Variants in CROCC observed in about 807,000 individuals in gnomAD.
The protein encoded by CROCC is ciliary rootlet coiled-coil, rootletin.
Under a neutral mutation model 245.2 loss-of-function variants are expected in CROCC, and 180 were observed. That is an observed-to-expected ratio of 0.73 (90% CI 0.65 to 0.83). The LOEUF is 0.83. Among genes scored for constraint, CROCC ranks in the 40% least tolerant of loss-of-function variants. The probability of loss-of-function intolerance (pLI) is 0.00; values close to 1 mark genes in which losing one functional copy is unlikely to be tolerated. For synonymous variants in CROCC, 1,205 were observed against 1,241.6 expected, an observed-to-expected ratio of 0.97 and a Z score of 0.62; for missense variants, 2,688 against 2,779.4, an observed-to-expected ratio of 0.97 and a Z score of 0.74.
At chr1:16,965,447 G>A (rs1453321479) in intron 27 of CROCC, among the ~76,000 whole-genome samples, 1 of 152,224 alleles carries the variant, frequency 6.6e-6, no homozygotes, top group Non-Finnish European at 1.5e-5. Context: ...TAAAGGATGG[G>A]CCAGGCAAAG....
At chr1:16,928,751 C>T (rs553345273) in intron 3 of CROCC, among the ~76,000 whole-genome samples, 9 of 151,578 alleles carry the variant, frequency 5.9e-5, no homozygotes, top group East Asian at 5.8e-4. Flanking sequence ...TGCAGTGATC[C>T]GAGATCGAGC....
rs781587172 is a variant in CROCC, at chr1:16,972,420, C to T, written c.6028C>T (p.Pro2010Ser). The stretch of plus-strand genomic sequence containing the variant: ...TCGAAGGAGCTCAGCACCCTTCTCC[C>T]CACCCTCCGGCCCCCCAGAGAAATG... ...ELRRSSAPFS[P>S]PSGPPEK Residue 2010 changes from proline to serine, a missense_variant, in exon 37 of 37, where the codon CCA (proline) becomes TCA (serine). This residue lies in a region of CROCC where 1,218 missense variants were observed against 1,286.3 expected (regional missense o/e 0.95). Coordinates refer to ENST00000375541, the MANE Select transcript of CROCC (RefSeq NM_014675.5). 1.2e-6 allele frequency: 2 copies of T among 1,613,506 alleles called. No homozygotes were observed. Among genetic ancestry groups the T allele is most frequent in the Non-Finnish European group, 1.7e-6 (2 of 1,179,696 alleles).
intron 30 of CROCC, among the ~76,000 whole-genome samples, chr1:16,967,590 T>TA (rs922375095): frequency 1.3e-5 from 2 of 152,024 alleles, no homozygotes; most frequent in Non-Finnish European, 2.9e-5. Flanking sequence ...AGGCTCAGGA[T>TA]AGGGGCTGGG....
intron 13 of CROCC, among the ~76,000 whole-genome samples, chr1:16,942,729 C>T (rs556072374): frequency 1.1e-4 from 17 of 152,402 alleles, no homozygotes; most frequent in Middle Eastern, 3.4e-3. Context: ...CCCAAGCTTT[C>T]CATGCCTGGA....
intron 30 of CROCC, 30 bp from the exon 31 acceptor site, chr1:16,968,173 G>T (rs889498186): frequency 6.5e-7 from 1 of 1,547,534 alleles, no homozygotes; most frequent in African/African-American, 1.4e-5. Context: ...TGCACTGGAC[G>T]TCTGGGCCTG....
In CROCC at chr1:16,966,553, C is replaced by T. The variant is rs761350834; in HGVS notation, c.4842C>T (p.Ser1614=). 140 of 1,490,204 alleles carry T rather than the reference C, an allele frequency of 9.4e-5. No homozygotes were observed. In the East Asian group the frequency reaches 2.2e-3, roughly 23 times the overall value. 92.3% of individuals were successfully genotyped at this position (1,490,204 alleles called of 1,614,324 possible). ...AGAGGAGCCTGCAGGCCACCGAGAG[C>T]GAGCTCCGGGCCAGCCAGGTGGGCA... ...TLERSLQATE[S]ELRASQEKIS... The change falls in exon 30 of 37, where the codon AGC becomes AGT. Residue 1614 remains serine (S), a synonymous_variant. Transcript: ENST00000375541. This position sits in a 1 kb window ranked among gnomAD's most constrained non-coding sequence, Gnocchi z 4.8.
At chr1:16,947,684 G>C (rs1226227029) in intron 17 of CROCC, among the ~76,000 whole-genome samples, 1 of 152,212 alleles carries the variant, frequency 6.6e-6, no homozygotes, top group East Asian at 1.9e-4. Flanking sequence ...CAGGAAGCAG[G>C]GTGCAGGTCT....
chr1:16,923,672 AC>A (rs1259822223), intron 2 of CROCC, among the ~76,000 whole-genome samples: 1 of 109,936 alleles, frequency 9.1e-6, no homozygotes, highest in African/African-American at 3.4e-5. Flanking sequence ...CTACTATTCT[AC>A]CTTTTTTTTT....
At chr1:16,949,237 C>T (rs1339316076) in intron 19 of CROCC, among the ~76,000 whole-genome samples, 4 of 152,254 alleles carry the variant, frequency 2.6e-5, no homozygotes, top group African/African-American at 4.8e-5. Flanking sequence ...TGCCGTTCAT[C>T]GGTCATCAGG....
chr1:16,956,696 A>G (rs186405027), intron 25 of CROCC, among the ~76,000 whole-genome samples: 4 of 152,214 alleles, frequency 2.6e-5, no homozygotes, highest in African/African-American at 9.6e-5. Flanking sequence ...TTCTTCCTTT[A>G]GAAATGATCC....
At chr1:16,964,835 AC>A (rs1472175655) in intron 27 of CROCC, among the ~76,000 whole-genome samples, 1 of 152,224 alleles carries the variant, frequency 6.6e-6, no homozygotes, top group Non-Finnish European at 1.5e-5. Context: ...GGTGCATGCC[AC>A]CACGCCCAGC....
intron 8 of CROCC, among the ~76,000 whole-genome samples, chr1:16,934,981 C>T (rs11580326): frequency 0.055 from 8,286 of 149,736 alleles, 50 homozygotes; most frequent in African/African-American, 0.097. Flanking sequence ...CTCACTGCAA[C>T]CTCCACCTCC....
At chr1:16,940,146 CA>C (rs1251236866) in intron 13 of CROCC, 53 bp downstream of exon 13, 2 of 1,540,040 alleles carry the variant, frequency 1.3e-6, no homozygotes, top group African/African-American at 1.4e-5. Context: ...ACCGTCTGGG[CA>C]TAACACCAGT....
At chr1:16,960,266 C>T (rs1240633242) in intron 26 of CROCC, among the ~76,000 whole-genome samples, 3 of 151,862 alleles carry the variant, frequency 2.0e-5, no homozygotes, top group Non-Finnish European at 4.4e-5. Flanking sequence ...ACTCTGTCTC[C>T]AAAAACAAAC....
At chr1:16,937,794 C>T (rs1186791920) in intron 10 of CROCC, 57 bp downstream of exon 10, 1 of 1,472,572 alleles carries the variant, frequency 6.8e-7, no homozygotes, top group Non-Finnish European at 9.4e-7. Flanking sequence ...CGGCCAGATC[C>T]ATGGACGCAG....
chr1:16,943,322 G>T (rs1238938543), intron 13 of CROCC, among the ~76,000 whole-genome samples: 2 of 152,216 alleles, frequency 1.3e-5, no homozygotes, highest in African/African-American at 4.8e-5. Context: ...CAGGTCATGA[G>T]GTCAGAAGAT....
upstream of CROCC, among the ~76,000 whole-genome samples, chr1:16,919,225 G>A (rs146142453): frequency 0.018 from 2,679 of 152,030 alleles, 9 homozygotes; most frequent in Non-Finnish European, 0.028. Flanking sequence ...GGATACAGAA[G>A]TAGAGCCTCA....
intron 1 of CROCC, among the ~76,000 whole-genome samples, chr1:16,915,232 T>G (rs1319405451): frequency 6.6e-6 from 1 of 152,290 alleles, no homozygotes; most frequent in Non-Finnish European, 1.5e-5. Flanking sequence ...ACACCATCTG[T>G]GGCCCAACAT....
In CROCC at chr1:16,940,073, C is replaced by T. The variant is rs762817767; in HGVS notation, c.1788C>T (p.Ser596=). The T allele has an allele frequency of 4.4e-6, 7 of 1,606,228 alleles. No homozygotes were observed. The highest frequency in any genetic ancestry group is 2.2e-5 in the East Asian group (1 of 44,808). The change falls in exon 13 of 37, where the codon AGC becomes AGT. Residue 596 remains serine, a synonymous_variant. Coordinates refer to ENST00000375541, the MANE Select transcript of CROCC (RefSeq NM_014675.5). The part of the protein sequence containing the change: ...DAQREVQRLR[S]ANELLSREKS... ...AGCGCGAGGTGCAGCGGCTGCGGAG[C>T]GCCAACGAGCTCCTGAGCAGGTGCC... is the stretch of plus-strand genomic sequence containing the variant.
Sources: gnomAD v4.1 joint callset for allele counts (sites outside exome capture counted in the v4.1 genomes callset) on GRCh38, gnomAD v4.1.1 for gene constraint, gnomAD v4.1.1 regional missense constraint, Gnocchi (gnomAD v3.1) non-coding constraint, MANE v1.5 for transcripts, NCBI Gene and HGNC (gene_info 2026-07-23, HGNC 2026-07-21) for gene names.